Variants in HIVEP3 observed in about 807,000 individuals in gnomAD.
The protein encoded by HIVEP3 is HIVEP zinc finger 3.
In HIVEP3, 49 loss-of-function variants were observed where a neutral mutation model predicts 152.8. The observed-to-expected ratio is 0.32, with a 90% CI of 0.26 to 0.41. The LOEUF (loss-of-function observed/expected upper bound fraction) is 0.41. Among genes scored for constraint, HIVEP3 ranks in the 10% least tolerant of loss-of-function variants. HIVEP3 has a pLI of 1.00. For missense variants in HIVEP3, 2,790 were observed against 3,103.3 expected (o/e 0.90, Z 2.40); for synonymous variants, 1,269 against 1,289.0 (o/e 0.98, Z 0.33).
At chr1:41,618,359 C>T (rs914300203) in intron 3 of HIVEP3, among the ~76,000 whole-genome samples, 17 of 152,240 alleles carry the variant, frequency 1.1e-4, no homozygotes, top group African/African-American at 4.1e-4. Flanking sequence ...GCATGTCCAT[C>T]TGAAAATGCT....
chr1:41,934,141 A>G (rs1380679890), intron 1 of HIVEP3, among the ~76,000 whole-genome samples: 1 of 152,116 alleles, frequency 6.6e-6, no homozygotes, highest in Non-Finnish European at 1.5e-5. Context: ...ATTCACTACA[A>G]GGGAGATTTT....
chr1:41,853,606 G>T (rs1051160066), intron 1 of HIVEP3, among the ~76,000 whole-genome samples: 4 of 152,122 alleles, frequency 2.6e-5, no homozygotes, highest in Non-Finnish European at 4.4e-5. Context: ...ATTTTGGGTG[G>T]GGACACAGGC....
At chr1:41,900,878 G>A (rs116257445) in intron 1 of HIVEP3, among the ~76,000 whole-genome samples, 3,321 of 152,218 alleles carry the variant, frequency 0.022, 70 homozygotes, top group Middle Eastern at 0.027. Flanking sequence ...CTGGGGTGGT[G>A]CATACCTTGG....
At chr1:41,976,526 A>G (rs1645260202) in intron 1 of HIVEP3, among the ~76,000 whole-genome samples, 1 of 152,182 alleles carries the variant, frequency 6.6e-6, no homozygotes. Flanking sequence ...AATTTATATA[A>G]CATGCAATTT....
chr1:41,525,299 A>ACAG (rs1467591618), intron 5 of HIVEP3, among the ~76,000 whole-genome samples: 3 of 152,152 alleles, frequency 2.0e-5, no homozygotes, highest in African/African-American at 7.2e-5. Flanking sequence ...TGATAATAAA[A>ACAG]CAGCAGCAGC....
chr1:41,510,181 A>G lies in HIVEP3; in HGVS notation c.*270T>C. 1 of 315,732 alleles carries G rather than the reference A, an allele frequency of 3.2e-6. No individual in the cohort carries two copies. The highest frequency in any genetic ancestry group is 5.7e-6 in the Non-Finnish European group (1 of 174,892). 19.6% of individuals were successfully genotyped at this position (315,732 alleles called of 1,614,324 possible). Reference sequence around the variant, plus strand: ...TCACCATCAGCCTTTCCCCAAAACCATAAACTATTCACAGCCTCAGACTCC... The same window carrying G: ...TCACCATCAGCCTTTCCCCAAAACCGTAAACTATTCACAGCCTCAGACTCC... On this transcript the variant is annotated 3_prime_UTR_variant, in exon 9 of 9. Transcript: ENST00000372583.
At chr1:42,021,165 AGGG>A (rs1279907070) in intron 1 of HIVEP3, among the ~76,000 whole-genome samples, 1 of 152,180 alleles carries the variant, frequency 6.6e-6, no homozygotes, top group Non-Finnish European at 1.5e-5. Context: ...ATAGACCATA[AGGG>A]GGAAAAAAGG....
chr1:41,657,417 G>A (rs549966493), intron 2 of HIVEP3, among the ~76,000 whole-genome samples: 1 of 152,342 alleles, frequency 6.6e-6, no homozygotes, highest in Admixed American at 6.5e-5. Flanking sequence ...AGAGGTTTAG[G>A]AAGATGGCGG....
chr1:41,723,572 G>C (rs1248861263), intron 1 of HIVEP3, among the ~76,000 whole-genome samples: 1 of 151,542 alleles, frequency 6.6e-6, no homozygotes, highest in East Asian at 1.9e-4. Context: ...CGCAGAATTG[G>C]CTGGTTTTGA....
At chr1:42,002,576 T>C (rs1031666688) in intron 1 of HIVEP3, among the ~76,000 whole-genome samples, 7 of 152,310 alleles carry the variant, frequency 4.6e-5, no homozygotes, top group Admixed American at 4.6e-4. Context: ...TGGCTGCCCC[T>C]TAGAATCACT....
At chr1:41,752,400 C>T (rs1319435698) in intron 1 of HIVEP3, among the ~76,000 whole-genome samples, 2 of 152,152 alleles carry the variant, frequency 1.3e-5, no homozygotes, top group Non-Finnish European at 2.9e-5. Context: ...AGACCAGGGT[C>T]CACCTCCAAA....
In HIVEP3 at chr1:41,740,024, A is replaced by T. The variant is rs186926300; in HGVS notation, c.-800-39029T>A. 1.4e-4 allele frequency among the ~76,000 whole-genome samples: 21 copies of T among 152,362 alleles called. No homozygotes were observed. In the East Asian group the frequency reaches 4.0e-3, roughly 29 times the overall value. ...GTCTATCCCCATTTTAGAGATGAGA[A>T]AATGGGATGAGAGGGTTGAAGTAAC... is the stretch of plus-strand genomic sequence containing the variant. On this transcript the variant is annotated intron_variant, in intron 1 of 8. Transcript: ENST00000372583.
At chr1:41,894,893 C>T (rs377673993) in intron 1 of HIVEP3, among the ~76,000 whole-genome samples, 12 of 152,258 alleles carry the variant, frequency 7.9e-5, no homozygotes, top group South Asian at 4.1e-4. Context: ...ACTAAGCAAT[C>T]TAAAACACAT....
chr1:41,779,950 T>A (rs1648942501), intron 1 of HIVEP3, among the ~76,000 whole-genome samples: 1 of 152,180 alleles, frequency 6.6e-6, no homozygotes, highest in Non-Finnish European at 1.5e-5. Flanking sequence ...CTAAACCTCA[T>A]TTCCCTCACT....
intron 1 of HIVEP3, among the ~76,000 whole-genome samples, chr1:41,975,636 G>C (rs536800652): frequency 1.3e-5 from 2 of 152,366 alleles, no homozygotes; most frequent in East Asian, 3.9e-4. Flanking sequence ...GTTAGGATGA[G>C]TCTATCTGAG....
At chr1:41,526,248 C>T (rs1642900201) in intron 5 of HIVEP3, among the ~76,000 whole-genome samples, 1 of 151,620 alleles carries the variant, frequency 6.6e-6, no homozygotes, top group African/African-American at 2.4e-5. Context: ...CACACTCGCC[C>T]TCACACATGC....
chr1:41,596,330 A>G (rs1255581860), intron 3 of HIVEP3, among the ~76,000 whole-genome samples: 1 of 152,164 alleles, frequency 6.6e-6, no homozygotes, highest in Admixed American at 6.5e-5. Flanking sequence ...CCAGCCCCTC[A>G]TACCCTCTGA....
At chr1:41,755,316 T>C (rs1488612225) in intron 1 of HIVEP3, among the ~76,000 whole-genome samples, 1 of 152,022 alleles carries the variant, frequency 6.6e-6, no homozygotes, top group Non-Finnish European at 1.5e-5. Flanking sequence ...AAAGAGGTAA[T>C]AGATTTAAAC....
At chr1:41,514,061 G>A (rs764098265) in intron 7 of HIVEP3, among the ~76,000 whole-genome samples, 12 of 152,236 alleles carry the variant, frequency 7.9e-5, no homozygotes, top group Non-Finnish European at 1.8e-4. Flanking sequence ...TGTTACAGAT[G>A]AGGAAACTGA....
Sources: gnomAD v4.1 joint callset for allele counts (sites outside exome capture counted in the v4.1 genomes callset) on GRCh38, gnomAD v4.1.1 for gene constraint, MANE v1.5 for transcripts, NCBI Gene and HGNC (gene_info 2026-07-23, HGNC 2026-07-21) for gene names.